The following KLC4 variants were observed in gnomAD, a reference collection of about 807,000 sequenced individuals.
KLC4 encodes the protein kinesin-like protein 8.
A neutral mutation model predicts 77.2 loss-of-function variants in KLC4; 49 were observed. The observed-to-expected ratio is 0.63, with a 90% confidence interval of 0.50 to 0.80. The LOEUF is 0.80. Ranked by LOEUF, KLC4 falls within the 30% of genes least tolerant of loss-of-function variation. The pLI is 0.00. For missense variants in KLC4, 669 were observed against 793.5 expected (o/e 0.84, Z 1.89); for synonymous variants, 274 against 314.5 (o/e 0.87, Z 1.36).
chr6:43,068,111 C>CAAAAAAAAAA (rs763158428), intron 6 of KLC4, among the ~76,000 whole-genome samples: 22 of 25,228 alleles, frequency 8.7e-4, no homozygotes, highest in East Asian at 2.7e-3. Flanking sequence ...GACTCCGTCT[C>CAAAAAAAAAA]AAAAAAAAAA....
At chr6:43,072,009 C>A in intron 11 of KLC4, 87 bp downstream of exon 11, 1 of 1,438,204 alleles carries the variant, frequency 7.0e-7, no homozygotes, top group Non-Finnish European at 9.7e-7. Context: ...TCCCTTCCTC[C>A]CGTAGACTTT....
chr6:43,067,329 T>G, intron 6 of KLC4: 1 of 753,594 alleles, frequency 1.3e-6, no homozygotes. Flanking sequence ...AAGTCATAGG[T>G]AAATCCACAT....
intron 2 of KLC4, 72 bp downstream of exon 2, chr6:43,061,665 G>T (rs1765171262): frequency 1.3e-5 from 19 of 1,466,206 alleles, no homozygotes; most frequent in Admixed American, 2.1e-5. Flanking sequence ...AAGGTTTGGG[G>T]CTGCTTGGGA....
intron 1 of KLC4, chr6:43,060,346 G>T: frequency 2.5e-6 from 4 of 1,594,412 alleles, no homozygotes; most frequent in Non-Finnish European, 3.4e-6. Flanking sequence ...GGCCTGCAAT[G>T]AGGGAGGCTG....
At chr6:43,063,694 C>T (rs989430156) in intron 3 of KLC4, among the ~76,000 whole-genome samples, 2 of 152,108 alleles carry the variant, frequency 1.3e-5, no homozygotes, top group East Asian at 3.9e-4. Context: ...GCTAGGATTG[C>T]AGGCACCTGC....
In KLC4 at chr6:43,070,708, A is replaced by C; in HGVS notation, c.998A>C (p.His333Pro). 1 of 1,613,548 alleles carries C rather than the reference A, an allele frequency of 6.2e-7. No homozygotes were observed. The highest frequency in any genetic ancestry group is 2.2e-5 in the East Asian group (1 of 44,852). Residue 333 changes from histidine to proline, a missense_variant, in exon 8 of 16, where the codon CAT becomes CCT. By Grantham distance (77) the His-to-Pro change is moderately conservative. Transcript: ENST00000347162. The stretch of plus-strand genomic sequence containing the variant: ...CCCTTTCAGGTCCTGGGCACGAATC[A>C]TCCAGATGTGGCAAAACAGCTGAAC... ...EIREKVLGTN[H>P]PDVAKQLNNL...
At chr6:43,060,662 C>G in intron 1 of KLC4, 1 of 1,081,966 alleles carries the variant, frequency 9.2e-7, no homozygotes, top group Non-Finnish European at 1.1e-6. Flanking sequence ...GGAACACAGT[C>G]TGAGTCCTGG....
At chr6:43,063,678 T>C (rs4711739) in intron 3 of KLC4, among the ~76,000 whole-genome samples, 38,028 of 151,826 alleles carry the variant, frequency 0.25, 6,904 homozygotes, top group African/African-American at 0.51. Flanking sequence ...CTCAGCCTCT[T>C]GAGTAGCTAG....
At chr6:43,065,454 G>A in intron 3 of KLC4, 166 bp from the exon 4 acceptor site, 1 of 556,076 alleles carries the variant, frequency 1.8e-6, no homozygotes, top group Non-Finnish European at 3.3e-6. Flanking sequence ...CAAACAAGAG[G>A]CCTGAGCTTG....
rs1765165022 is a variant in KLC4, at chr6:43,061,594, G to T, written c.258+1G>T. On this transcript the variant is annotated splice_donor_variant, in intron 2 of 15. Transcript: ENST00000347162. LOFTEE classifies it high-confidence loss of function. ...TGAGCTCGGGCTGAGTGAGGCCCAGGTGAGAGGGCAAAGGTGGTGCCAAGT... is the reference window on the plus strand; with the variant it reads ...TGAGCTCGGGCTGAGTGAGGCCCAGTTGAGAGGGCAAAGGTGGTGCCAAGT... 6.2e-7 allele frequency: 1 copy of T among 1,607,218 alleles called. No homozygotes were observed. Among genetic ancestry groups the T allele is most frequent in the African/African-American group, 1.3e-5 (1 of 74,826 alleles).
At chr6:43,073,563 C>T in intron 14 of KLC4, 1 of 528,298 alleles carries the variant, frequency 1.9e-6, no homozygotes, top group Non-Finnish European at 3.4e-6. Context: ...AGGAGAATTG[C>T]TGGAACCCAG....
chr6:43,073,041 C>G, intron 13 of KLC4, 77 bp downstream of exon 13: 1 of 1,506,772 alleles, frequency 6.6e-7, no homozygotes, highest in Non-Finnish European at 8.9e-7. Context: ...GCCATGCTGT[C>G]CCAGTCTAGG....
At chr6:43,071,462 G>C in intron 9 of KLC4, 88 bp downstream of exon 9, 1 of 1,539,012 alleles carries the variant, frequency 6.5e-7, no homozygotes, top group South Asian at 1.1e-5. Flanking sequence ...CGGTTCCCAG[G>C]GGGAGCCAGA....
At chr6:43,067,292 T>C in intron 6 of KLC4, 1 of 1,222,458 alleles carries the variant, frequency 8.2e-7, no homozygotes, top group Non-Finnish European at 1.1e-6. Flanking sequence ...TTATAACAAA[T>C]ATTTTGCTTG....
intron 13 of KLC4, 110 bp from the exon 14 acceptor site, chr6:43,073,113 C>A: frequency 7.6e-7 from 1 of 1,316,890 alleles, no homozygotes. Flanking sequence ...TATTTCCAGT[C>A]ACTGGGCCTT....
intron 7 of KLC4, 48 bp from the exon 8 acceptor site, chr6:43,070,642 GCA>G: frequency 1.3e-6 from 2 of 1,574,144 alleles, no homozygotes; most frequent in South Asian, 1.1e-5. Flanking sequence ...GTGTGCTTGT[GCA>G]CACACATGTT....
intron 6 of KLC4, among the ~76,000 whole-genome samples, chr6:43,069,402 G>A (rs1468918171): frequency 6.6e-6 from 1 of 151,318 alleles, no homozygotes; most frequent in Non-Finnish European, 1.5e-5. Flanking sequence ...GTGCTACCAC[G>A]CCAGGCTAAT....
At position 43,071,564 on chromosome 6, in the gene KLC4, T is replaced by A. The variant is rs778151909; in HGVS notation, c.1256-3T>A. ...ACCTCCCCACCCCATGTATCACCCC[T>A]AGATGACCACAAGCCCATCTGGATG... is the stretch of plus-strand genomic sequence containing the variant. On this transcript the variant is annotated splice_region_variant and splice_polypyrimidine_tract_variant and intron_variant, in intron 9 of 15. Coordinates refer to ENST00000347162, the MANE Select transcript of KLC4 (RefSeq NM_201521.3). 6.2e-7 allele frequency: 1 copy of A among 1,613,156 alleles called. No individual in the cohort carries two copies. Among genetic ancestry groups the A allele is most frequent in the South Asian group, 1.1e-5 (1 of 91,008 alleles).
At chr6:43,067,855 G>A (rs1194992937) in intron 6 of KLC4, among the ~76,000 whole-genome samples, 1 of 116,250 alleles carries the variant, frequency 8.6e-6, no homozygotes, top group Non-Finnish European at 1.6e-5. Context: ...GCTCACGCCT[G>A]TAATCCCAGC....
Sources: gnomAD v4.1 joint callset for allele counts (sites outside exome capture counted in the v4.1 genomes callset) on GRCh38, gnomAD v4.1.1 for gene constraint, MANE v1.5 for transcripts, NCBI Gene and HGNC (gene_info 2026-07-23, HGNC 2026-07-21) for gene names.